The following PHF20L1 variants were observed in gnomAD, a reference collection of about 807,000 sequenced individuals.
The protein encoded by PHF20L1 is PHD finger protein 20 like 1.
PHF20L1 carries 44 observed loss-of-function variants against 125.5 expected under a neutral mutation model. That is an observed-to-expected ratio of 0.35 (90% CI 0.28 to 0.45). PHF20L1 has a LOEUF of 0.45. Ranked by LOEUF, PHF20L1 falls within the 20% of genes least tolerant of loss-of-function variation. PHF20L1 has a pLI of 1.00. For missense variants in PHF20L1, 1,012 were observed against 1,217.2 expected (o/e 0.83, Z 2.51); for synonymous variants, 380 against 403.1 (o/e 0.94, Z 0.69).
chr8:132,812,379 T>A (rs1190488642), intron 9 of PHF20L1: 1 of 984,770 alleles, frequency 1.0e-6, no homozygotes, highest in African/African-American at 1.7e-5. Context: ...TGAAAAGTAC[T>A]TATTAAATGT....
intron 18 of PHF20L1, among the ~76,000 whole-genome samples, 190 bp downstream of exon 18, chr8:132,839,772 A>G (rs757794833): frequency 3.3e-5 from 5 of 152,132 alleles, no homozygotes; most frequent in Non-Finnish European, 5.9e-5. Context: ...TGTCTATTCT[A>G]GAATGTGTAA....
intron 2 of PHF20L1, 108 bp from the exon 3 acceptor site, chr8:132,794,302 T>G: frequency 3.1e-6 from 2 of 634,996 alleles, no homozygotes; most frequent in Non-Finnish European, 5.4e-6. Context: ...ATTTATTGTT[T>G]TCTTCATGGT....
intron 20 of PHF20L1, among the ~76,000 whole-genome samples, 159 bp from the exon 21 acceptor site, chr8:132,845,622 A>T (rs1431563773): frequency 6.6e-6 from 1 of 152,068 alleles, no homozygotes; most frequent in Non-Finnish European, 1.5e-5. Context: ...GTGGGATGAC[A>T]GGACGCTAAC....
chr8:132,811,160 G>T, intron 9 of PHF20L1, 32 bp downstream of exon 9: 2 of 1,609,766 alleles, frequency 1.2e-6, no homozygotes, highest in Non-Finnish European at 1.7e-6. Flanking sequence ...TTTTTTTCAA[G>T]GTTCCCACTG....
intron 20 of PHF20L1, among the ~76,000 whole-genome samples, chr8:132,845,275 T>C (rs1038922100): frequency 6.6e-6 from 1 of 152,108 alleles, no homozygotes; most frequent in Admixed American, 6.6e-5. Flanking sequence ...AGTGTTAAAA[T>C]AGTGGAACTG....
chr8:132,816,706 C>T (rs1835028230), intron 10 of PHF20L1, 182 bp from the exon 11 acceptor site: 1 of 483,848 alleles, frequency 2.1e-6, no homozygotes, highest in Non-Finnish European at 3.6e-6. Context: ...TTGATTGACT[C>T]ATTTTGAATG....
chr8:132,799,939 A>G (rs1358821674), intron 6 of PHF20L1: 3 of 151,894 alleles, frequency 2.0e-5, no homozygotes, highest in Non-Finnish European at 4.4e-5. Flanking sequence ...ATGTATAAAT[A>G]AAGTGTTCTT....
At position 132,848,735 on chromosome 8, in the gene PHF20L1, T is replaced by C. The variant is rs959139795; in HGVS notation, c.*2812T>C. The C allele has an allele frequency of 7.2e-6, 1 of 138,310 alleles. No individual in the cohort carries two copies. Among genetic ancestry groups the C allele is most frequent in the African/African-American group, 2.4e-5 (1 of 41,116 alleles). The allele number at this position is 138,310 out of a possible 1,614,324, so 8.6% of individuals were successfully genotyped here. On this transcript the variant is annotated 3_prime_UTR_variant, in exon 21 of 21. Coordinates refer to ENST00000395386, the MANE Select transcript of PHF20L1 (RefSeq NM_016018.5). ...CTTATTTCCACTGTCTTATTTCCTC[T>C]CAGATGTTCATATTTCACATGTTCA...
intron 12 of PHF20L1, among the ~76,000 whole-genome samples, chr8:132,820,824 T>C (rs1319352612): frequency 1.3e-5 from 2 of 152,048 alleles, no homozygotes; most frequent in Non-Finnish European, 2.9e-5. Context: ...TTAGAGATGA[T>C]AACTTATTGT....
chr8:132,778,891 C>T (rs1278223098), intron 2 of PHF20L1, among the ~76,000 whole-genome samples: 1 of 152,140 alleles, frequency 6.6e-6, no homozygotes, highest in African/African-American at 2.4e-5. Flanking sequence ...CTTGGACTTT[C>T]CCAGACTTTT....
At chr8:132,806,654 G>A (rs911059501) in intron 8 of PHF20L1, 3 of 152,058 alleles carry the variant, frequency 2.0e-5, no homozygotes, top group African/African-American at 4.8e-5. Flanking sequence ...GTCTTCAACA[G>A]TTGAAATTCA....
intron 13 of PHF20L1, chr8:132,824,745 T>C (rs1194649014): frequency 2.4e-5 from 4 of 169,414 alleles, no homozygotes; most frequent in Admixed American, 1.7e-4. Flanking sequence ...TATTTTTTTT[T>C]CCTCGTGTTC....
intron 13 of PHF20L1, chr8:132,825,052 T>G: frequency 6.8e-7 from 1 of 1,468,984 alleles, no homozygotes; most frequent in Non-Finnish European, 9.2e-7. Context: ...GAGTTGGGAT[T>G]TCTCAGCACT....
At chr8:132,815,229 C>T (rs750133127) in intron 10 of PHF20L1, 1 of 162,308 alleles carries the variant, frequency 6.2e-6, no homozygotes, top group Non-Finnish European at 1.3e-5. Flanking sequence ...TTACTTAAGA[C>T]TATTCCTGTA....
At position 132,803,863 on chromosome 8, in the gene PHF20L1, G is replaced by A. The variant is rs1356722632; in HGVS notation, c.552G>A (p.Lys184=). The change falls in exon 7 of 21, where the codon AAG becomes AAA. Residue 184 remains lysine (K), a synonymous_variant. Transcript: ENST00000395386. ...AAGCAGCTGCTGCAGCTGCAGCCAAGAACAAAACAGGGAGTAAACCTCGAA... is the reference window on the plus strand; with the variant it reads ...AAGCAGCTGCTGCAGCTGCAGCCAAAAACAAAACAGGGAGTAAACCTCGAA... ...LVKAAAAAAA[K]NKTGSKPRTS... is the part of the protein sequence containing the mutation. 1.2e-6 allele frequency: 2 copies of A among 1,609,754 alleles called. No individual in the cohort carries two copies. The highest frequency in any genetic ancestry group is 1.7e-6 in the Non-Finnish European group (2 of 1,177,454).
chr8:132,809,618 TGGA>T (rs1276738085), intron 8 of PHF20L1: 1 of 152,206 alleles, frequency 6.6e-6, no homozygotes, highest in African/African-American at 2.4e-5. Context: ...AAATATGTTG[TGGA>T]CAGCTTCTGT....
intron 9 of PHF20L1, 70 bp from the exon 10 acceptor site, chr8:132,814,567 T>G (rs1834757695): frequency 9.0e-7 from 1 of 1,114,772 alleles, no homozygotes; most frequent in Non-Finnish European, 1.3e-6. Context: ...TGCTTAACAG[T>G]CAAAATAGAA....
chr8:132,791,027 C>T (rs928018325), intron 2 of PHF20L1, among the ~76,000 whole-genome samples: 1 of 152,156 alleles, frequency 6.6e-6, no homozygotes, highest in African/African-American at 2.4e-5. Context: ...ATACTGGCTG[C>T]ACCATGTGTA....
At chr8:132,794,874 T>A (rs1832196960) in intron 4 of PHF20L1, 57 bp downstream of exon 4, 7 of 1,115,952 alleles carry the variant, frequency 6.3e-6, no homozygotes, top group Non-Finnish European at 8.0e-6. Context: ...AATTTCACTG[T>A]ATTTTAAATT....
Sources: gnomAD v4.1 joint callset for allele counts (sites outside exome capture counted in the v4.1 genomes callset) on GRCh38, gnomAD v4.1.1 for gene constraint, MANE v1.5 for transcripts, NCBI Gene and HGNC (gene_info 2026-07-23, HGNC 2026-07-21) for gene names.